The following ADAMTS13 variants were observed in gnomAD, a reference collection of about 807,000 sequenced individuals.
ADAMTS13 encodes A disintegrin and metalloproteinase with thrombospondin motifs 13.
ADAMTS13 carries 110 observed loss-of-function variants against 155.1 expected under a neutral mutation model. The ratio of observed to expected loss-of-function variants is 0.71; its 90% CI spans 0.61 to 0.83. The LOEUF is 0.83. Ranked by LOEUF, ADAMTS13 falls within the 40% of genes least tolerant of loss-of-function variation. ADAMTS13 has a pLI of 0.00. For synonymous variants in ADAMTS13, 758 were observed against 756.4 expected (o/e 1.00, Z -0.03); for missense variants, 1,707 against 1,891.7 (o/e 0.90, Z 1.81).
At position 133,438,088 on chromosome 9, in the gene ADAMTS13, A is replaced by G. The variant is rs187823462; in HGVS notation, c.1585-158A>G. ...GCTGCAGTGTGACCTTGGGCAAGTC[A>G]CTGAGCCCTCTAAGCTTGCTTCCTG... On this transcript the variant is annotated intron_variant, in intron 13 of 28. Transcript: ENST00000355699. 5.5e-4 allele frequency among the ~76,000 whole-genome samples: 84 copies of G among 152,288 alleles called. 1 individual carries two copies. Among genetic ancestry groups the G allele is most frequent in the African/African-American group, 1.9e-3 (80 of 41,556 alleles).
intron 11 of ADAMTS13, among the ~76,000 whole-genome samples, chr9:133,434,835 CTG>C (rs1841056742): frequency 6.6e-6 from 1 of 152,214 alleles, no homozygotes; most frequent in Non-Finnish European, 1.5e-5. Flanking sequence ...CCTTCTGTCT[CTG>C]TGGATTGACC....
At chr9:133,433,598 GT>G (rs782107576) in intron 10 of ADAMTS13, 42 bp from the exon 11 acceptor site, 2 of 1,613,852 alleles carry the variant, frequency 1.2e-6, no homozygotes, top group South Asian at 2.2e-5. Context: ...GAAGGCAGTG[GT>G]CACCCTGCTC....
intron 6 of ADAMTS13, among the ~76,000 whole-genome samples, chr9:133,428,183 A>G (rs1840410878): frequency 6.6e-6 from 1 of 152,226 alleles, no homozygotes; most frequent in Non-Finnish European, 1.5e-5. Flanking sequence ...AATGCAAACA[A>G]TGGCCAAGGG....
In ADAMTS13 at chr9:133,457,780, G is replaced by T. The variant is rs934283939; in HGVS notation, c.3725-130G>T. The T allele has an allele frequency of 3.3e-6, 4 of 1,202,554 alleles. No homozygotes were observed. In the African/African-American group the frequency reaches 6.0e-5, roughly 18 times the overall value. The allele number at this position is 1,202,554 out of a possible 1,614,324, so 74.5% of individuals were successfully genotyped here. On this transcript the variant is annotated intron_variant, in intron 27 of 28. Transcript: ENST00000355699. ...AAGTGGTAGAGGTGGGGTTCAGCAG[G>T]ATTTGCCTGGGAACCCCAATATTGA...
intron 28 of ADAMTS13, 96 bp from the exon 29 acceptor site, chr9:133,458,878 G>A: frequency 8.8e-7 from 1 of 1,136,054 alleles, no homozygotes; most frequent in Non-Finnish European, 1.3e-6. Flanking sequence ...AGCATTAAAT[G>A]TGATCCGGAA....
intron 23 of ADAMTS13, among the ~76,000 whole-genome samples, 157 bp from the exon 24 acceptor site, chr9:133,454,258 A>G (rs587716795): frequency 6.6e-6 from 1 of 152,260 alleles, no homozygotes; most frequent in African/African-American, 2.4e-5. Context: ...CCCTGGCCCC[A>G]GACAGGAGGG....
rs781907038 is a variant in ADAMTS13 at position 133,458,891 on chromosome 9, T to A, written c.3910-83T>A. 12 of 1,223,568 alleles carry A rather than the reference T, an allele frequency of 9.8e-6. 1 individual carries two copies. In the East Asian group the frequency reaches 1.0e-4, roughly 10 times the overall value. 75.8% of individuals were successfully genotyped at this position (1,223,568 alleles called of 1,614,324 possible). A position where few individuals can be genotyped will look rare whatever the true frequency, so the allele number is the denominator to read the frequency against. On this transcript the variant is annotated intron_variant, in intron 28 of 28. Transcript: ENST00000355699. Reference sequence around the variant, plus strand: ...TAAGCATTAAATGTGATCCGGAATCTGTGAGCCCTTGCACACGAAGGCTTC... The same window carrying A: ...TAAGCATTAAATGTGATCCGGAATCAGTGAGCCCTTGCACACGAAGGCTTC...
intron 8 of ADAMTS13, 118 bp downstream of exon 8, chr9:133,430,219 T>A: frequency 7.3e-7 from 1 of 1,376,542 alleles, no homozygotes; most frequent in Non-Finnish European, 1.0e-6. Flanking sequence ...GCTGAGGTAC[T>A]AAGCCAGGGC....
intron 11 of ADAMTS13, 37 bp from the exon 12 acceptor site, chr9:133,436,792 C>A: frequency 1.3e-5 from 10 of 743,494 alleles, no homozygotes; most frequent in Non-Finnish European, 1.9e-5. Flanking sequence ...GCCCCCCGCC[C>A]CACCGCCATC....
chr9:133,417,397 T>C (rs1554781865), upstream of ADAMTS13, among the ~76,000 whole-genome samples: 1 of 152,276 alleles, frequency 6.6e-6, no homozygotes, highest in East Asian at 1.9e-4. Context: ...CAAGGGTTTA[T>C]CTTTGCTTTT....
upstream of ADAMTS13, among the ~76,000 whole-genome samples, chr9:133,418,846 G>A (rs1839829399): frequency 6.6e-6 from 1 of 152,194 alleles, no homozygotes; most frequent in East Asian, 1.9e-4. Flanking sequence ...TTTTATTTCT[G>A]CCTTTTAGTT....
chr9:133,417,923 C>G (rs1554782119), upstream of ADAMTS13: 2 of 1,398,374 alleles, frequency 1.4e-6, no homozygotes, highest in East Asian at 4.7e-5. Flanking sequence ...GCAGCACAAG[C>G]GCCTGCCCAG....
At chr9:133,437,550 G>A (rs113555395) in intron 12 of ADAMTS13, among the ~76,000 whole-genome samples, 199 bp from the exon 13 acceptor site, 4 of 152,296 alleles carry the variant, frequency 2.6e-5, no homozygotes, top group Non-Finnish European at 4.4e-5. Flanking sequence ...GAACCATTGC[G>A]CCCAGCCTTG....
chr9:133,415,016 G>C, intron 1 of ADAMTS13: 1 of 1,573,916 alleles, frequency 6.4e-7, no homozygotes. Context: ...CAGCCACTGG[G>C]ACCCAAAATA....
chr9:133,457,666 G>T (rs909986386), intron 27 of ADAMTS13, among the ~76,000 whole-genome samples: 4 of 152,242 alleles, frequency 2.6e-5, no homozygotes, highest in African/African-American at 7.2e-5. Context: ...AGACCACTCT[G>T]CTCAGTGCAT....
chr9:133,444,101 G>T (rs1054315178), intron 19 of ADAMTS13, among the ~76,000 whole-genome samples: 3 of 152,136 alleles, frequency 2.0e-5, no homozygotes, highest in Non-Finnish European at 4.4e-5. Flanking sequence ...CTCGTCATCC[G>T]TGGCAGACAA....
At chr9:133,417,776 G>C (rs781988842), upstream of ADAMTS13, 13 of 1,611,354 alleles carry the variant, frequency 8.1e-6, no homozygotes, top group South Asian at 4.4e-5. Context: ...TGAGCGTCTT[G>C]ACAGGACCCG....
Position 133,445,543 on chromosome 9 carries a change from C to G in ADAMTS13, c.2611-156C>G, listed in dbSNP as rs887310470. ...GCAGCAAGGATACCCGCTGCGAGAC[C>G]GGGGAGCCGATCTCGCCAAGGGAGG... is the stretch of plus-strand genomic sequence containing the variant. On this transcript the variant is annotated intron_variant, in intron 20 of 28. Transcript: ENST00000355699. This position sits in a 1 kb window ranked among gnomAD's most constrained non-coding sequence, Gnocchi z 5.0. Among the ~76,000 whole-genome samples the G allele has an allele frequency of 6.6e-6, 1 of 152,168 alleles. No individual in the cohort carries two copies. The highest frequency in any genetic ancestry group is 1.5e-5 in the Non-Finnish European group (1 of 68,000).
At chr9:133,420,472 G>A (rs991333303), upstream of ADAMTS13, among the ~76,000 whole-genome samples, 5 of 152,240 alleles carry the variant, frequency 3.3e-5, no homozygotes, top group African/African-American at 9.6e-5. Flanking sequence ...GAAAGAGGTC[G>A]TCTTTTGTAG....
Sources: gnomAD v4.1 joint callset for allele counts (sites outside exome capture counted in the v4.1 genomes callset) on GRCh38, gnomAD v4.1.1 for gene constraint, Gnocchi (gnomAD v3.1) non-coding constraint, MANE v1.5 for transcripts, NCBI Gene and HGNC (gene_info 2026-07-23, HGNC 2026-07-21) for gene names.